Variants in DCBLD2 observed in about 807,000 individuals in gnomAD.
DCBLD2 encodes the protein discoidin, CUB and LCCL domain-containing protein 2.
A neutral mutation model predicts 86.8 loss-of-function variants in DCBLD2; 54 were observed. The observed-to-expected ratio is 0.62, with a 90% CI of 0.50 to 0.78. The LOEUF (loss-of-function observed/expected upper bound fraction) is 0.78. Ranked by LOEUF, DCBLD2 falls within the 30% of genes least tolerant of loss-of-function variation. The pLI, the probability that DCBLD2 is intolerant of heterozygous loss-of-function variation, is 0.00. For missense variants in DCBLD2, 908 were observed against 954.2 expected (o/e 0.95, Z 0.64); for synonymous variants, 354 against 341.3 (o/e 1.04, Z -0.41).
intron 1 of DCBLD2, among the ~76,000 whole-genome samples, chr3:98,899,520 G>T (rs373014849): frequency 1.2e-3 from 190 of 152,204 alleles, no homozygotes; most frequent in African/African-American, 4.3e-3. Context: ...AAAGTGCTCG[G>T]ATTACAGGTG....
intron 2 of DCBLD2, among the ~76,000 whole-genome samples, chr3:98,858,532 A>G (rs1356530702): frequency 6.6e-6 from 1 of 152,242 alleles, no homozygotes; most frequent in Non-Finnish European, 1.5e-5. Context: ...ACAAATATTA[A>G]CATTAAAAAA....
At chr3:98,804,601 G>A (rs893562605) in intron 13 of DCBLD2, among the ~76,000 whole-genome samples, 3 of 152,038 alleles carry the variant, frequency 2.0e-5, no homozygotes, top group African/African-American at 7.2e-5. Context: ...CAATGTGTTT[G>A]CTCTTGCTTC....
intron 9 of DCBLD2, chr3:98,813,850 C>T (rs867442765): frequency 6.6e-6 from 1 of 152,134 alleles, no homozygotes; most frequent in Non-Finnish European, 1.5e-5. Context: ...ATTCAGACAA[C>T]CCTATGAAAT....
At chr3:98,874,022 C>T (rs780804232) in intron 2 of DCBLD2, among the ~76,000 whole-genome samples, 2 of 152,074 alleles carry the variant, frequency 1.3e-5, no homozygotes, top group Non-Finnish European at 2.9e-5. Context: ...AGGCAAGTAC[C>T]GTTTATTACA....
At chr3:98,831,631 G>A (rs1405407441) in intron 3 of DCBLD2, among the ~76,000 whole-genome samples, 6 of 152,078 alleles carry the variant, frequency 3.9e-5, no homozygotes, top group South Asian at 2.1e-4. Context: ...GCTGCATCCC[G>A]GAGATTCTGG....
intron 12 of DCBLD2, among the ~76,000 whole-genome samples, chr3:98,808,756 A>C (rs1477642604): frequency 6.6e-6 from 1 of 152,182 alleles, no homozygotes; most frequent in Non-Finnish European, 1.5e-5. Flanking sequence ...TTTTTAATGG[A>C]AATATAAACT....
At chr3:98,854,388 C>T (rs1475164210) in intron 2 of DCBLD2, among the ~76,000 whole-genome samples, 1 of 152,088 alleles carries the variant, frequency 6.6e-6, no homozygotes, top group Non-Finnish European at 1.5e-5. Flanking sequence ...TTTTGAATGT[C>T]TAAAATGTCT....
Position 98,811,249 on chromosome 3 carries a change from T to C in DCBLD2, c.1521A>G (p.Gln507=), listed in dbSNP as rs1319177542. 32 of 1,612,728 alleles carry C rather than the reference T, an allele frequency of 2.0e-5. No individual in the cohort carries two copies. The highest frequency in any genetic ancestry group is 2.5e-5 in the Non-Finnish European group (30 of 1,179,384). ...TTCTGATATCAGGACTGGCAGTTGT[T>C]TGTTCTGTCTGTGCAGGAAATTCAT... ...SSNEFPAQTE[Q]TTASPDIRNT... The change falls in exon 12 of 16, where the codon CAA becomes CAG. Residue 507 remains glutamine, a synonymous_variant. Transcript: ENST00000326840.
intron 12 of DCBLD2, among the ~76,000 whole-genome samples, chr3:98,810,285 C>G (rs767455886): frequency 1.1e-4 from 16 of 152,274 alleles, no homozygotes; most frequent in Admixed American, 1.0e-3. Flanking sequence ...CTCTGAGAAC[C>G]CTTGATTCTC....
At chr3:98,864,096 G>GA (rs1202636005) in intron 2 of DCBLD2, among the ~76,000 whole-genome samples, 2 of 152,046 alleles carry the variant, frequency 1.3e-5, no homozygotes, top group South Asian at 4.2e-4. Flanking sequence ...AAAAGACACA[G>GA]AAAAAAATGC....
chr3:98,873,934 T>C (rs913203335), intron 2 of DCBLD2, among the ~76,000 whole-genome samples: 4 of 152,124 alleles, frequency 2.6e-5, no homozygotes, highest in African/African-American at 7.2e-5. Context: ...GAAATAACCA[T>C]GTTAATAACT....
chr3:98,898,033 A>G (rs1000974642), intron 1 of DCBLD2, among the ~76,000 whole-genome samples: 1 of 152,146 alleles, frequency 6.6e-6, no homozygotes, highest in East Asian at 1.9e-4. Context: ...TTTTACAGAA[A>G]AAAAGTCTTC....
rs904070728 is a variant in DCBLD2 at position 98,801,468 on chromosome 3, G to C, written c.1720+132C>G. On this transcript the variant is annotated intron_variant, in intron 14 of 15. Coordinates refer to ENST00000326840, the MANE Select transcript of DCBLD2 (RefSeq NM_080927.4). ...AAGGGTAAAAATGGTGAGAACTGAA[G>C]AGTAATGCCATTGTTCTAACAGTGT... The C allele has an allele frequency of 2.4e-5, 14 of 573,602 alleles. No individual in the cohort carries two copies. The Admixed American group carries it at 4.8e-4, about 20-fold the overall frequency. 35.5% of individuals were successfully genotyped at this position (573,602 alleles called of 1,614,324 possible).
chr3:98,890,311 G>A (rs555536265), intron 1 of DCBLD2: 1 of 152,038 alleles, frequency 6.6e-6, no homozygotes, highest in Non-Finnish European at 1.5e-5. Flanking sequence ...CACAGAGGCA[G>A]AGACTGGAGT....
intron 1 of DCBLD2, 120 bp from the exon 2 acceptor site, chr3:98,881,887 TTCTA>T (rs1943478536): frequency 2.0e-6 from 2 of 984,504 alleles, no homozygotes; most frequent in Non-Finnish European, 1.5e-6. Flanking sequence ...CACCCATACT[TTCTA>T]TTTTATTTTT....
intron 2 of DCBLD2, among the ~76,000 whole-genome samples, chr3:98,859,820 T>C (rs1221826444): frequency 6.6e-6 from 1 of 151,780 alleles, no homozygotes; most frequent in African/African-American, 2.4e-5. Context: ...AGAGCACCTC[T>C]CCCCCCACAA....
intron 3 of DCBLD2, among the ~76,000 whole-genome samples, chr3:98,835,073 G>T (rs1237964913): frequency 6.9e-6 from 1 of 144,310 alleles, no homozygotes; most frequent in Admixed American, 7.0e-5. Context: ...CCCAGGTTCA[G>T]GCGATTCTCC....
chr3:98,836,140 G>C (rs1403928432), intron 3 of DCBLD2, among the ~76,000 whole-genome samples: 1 of 141,926 alleles, frequency 7.0e-6, no homozygotes, highest in African/African-American at 2.6e-5. Flanking sequence ...AGGAAATTAA[G>C]AGGACAAAAG....
At chr3:98,888,727 GAAATTTAAATTTATAGCATGCTTTAA>G (rs1943604825) in intron 1 of DCBLD2, among the ~76,000 whole-genome samples, 1 of 151,978 alleles carries the variant, frequency 6.6e-6, no homozygotes. Context: ...ATTATTTTAG[GAAATTTAAATTTATAGCATGCTTTAA>G]AGCTTCTAGT....
Sources: gnomAD v4.1 joint callset for allele counts (sites outside exome capture counted in the v4.1 genomes callset) on GRCh38, gnomAD v4.1.1 for gene constraint, MANE v1.5 for transcripts, NCBI Gene and HGNC (gene_info 2026-07-23, HGNC 2026-07-21) for gene names.